EPC1: variants seen among roughly 807,000 people sequenced by gnomAD.
The protein encoded by EPC1 is enhancer of polycomb homolog 1.
A neutral mutation model predicts 98.4 loss-of-function variants in EPC1; 12 were observed. The observed-to-expected ratio is 0.12, with a 90% CI of 0.08 to 0.20. The LOEUF (loss-of-function observed/expected upper bound fraction) is 0.20, where lower values mean the gene tolerates loss of function less well. Ranked by LOEUF, EPC1 falls within the 10% of genes least tolerant of loss-of-function variation. The pLI, the probability that EPC1 is intolerant of heterozygous loss-of-function variation, is 1.00. For missense variants in EPC1, 729 were observed against 990.5 expected, an observed-to-expected ratio of 0.74 and a Z score of 3.54; for synonymous variants, 357 against 363.9, an observed-to-expected ratio of 0.98 and a Z score of 0.21.
chr10:32,331,504 A>T (rs1268809109), intron 1 of EPC1, among the ~76,000 whole-genome samples: 1 of 148,590 alleles, frequency 6.7e-6, no homozygotes, highest in African/African-American at 2.5e-5. Flanking sequence ...ATTTTATATC[A>T]TCTATCGTAC....
At chr10:32,329,481 C>T (rs1837508273) in intron 1 of EPC1, among the ~76,000 whole-genome samples, 1 of 152,174 alleles carries the variant, frequency 6.6e-6, no homozygotes, top group African/African-American at 2.4e-5. Context: ...AAGTAAGAGG[C>T]AAGCACACAG....
chr10:32,300,262 T>C (rs1484981594), intron 2 of EPC1, among the ~76,000 whole-genome samples: 1 of 151,590 alleles, frequency 6.6e-6, no homozygotes, highest in Non-Finnish European at 1.5e-5. Context: ...TTTTTTATTA[T>C]ACTTTAAGTT....
intron 1 of EPC1, among the ~76,000 whole-genome samples, chr10:32,364,966 G>C (rs2505345): frequency 0.54 from 80,815 of 150,534 alleles, 23,571 homozygotes; most frequent in East Asian, 0.69. Flanking sequence ...TGGCCCAAGA[G>C]GATTCTGCTT....
intron 1 of EPC1, among the ~76,000 whole-genome samples, chr10:32,310,483 T>C (rs1836143079): frequency 6.6e-6 from 1 of 152,244 alleles, no homozygotes; most frequent in South Asian, 2.1e-4. Context: ...TTATATCCTC[T>C]TGTATGAATA....
chr10:32,295,946 CAG>C lies in EPC1; in HGVS notation c.314-2211_314-2210del, dbSNP rs900621328. ...GTTCTTTTTTTTTTTTTTCCTGAGA[CAG>C]AGTCTCTCTCTGTCACCCAGGCTGG... On this transcript the variant is annotated intron_variant, in intron 2 of 13. Transcript: ENST00000319778. 9.1e-4 allele frequency among the ~76,000 whole-genome samples: 136 copies of C among 149,450 alleles called. 1 individual carries two copies. The highest frequency in any genetic ancestry group is 3.3e-3 in the African/African-American group (132 of 40,476).
intron 1 of EPC1, among the ~76,000 whole-genome samples, chr10:32,329,200 T>C (rs11008882): frequency 0.018 from 2,757 of 152,300 alleles, 83 homozygotes; most frequent in African/African-American, 0.062. Context: ...GGCCAGAGCA[T>C]CTTAACAGCT....
At chr10:32,363,300 C>T (rs555196130) in intron 1 of EPC1, among the ~76,000 whole-genome samples, 5 of 152,164 alleles carry the variant, frequency 3.3e-5, no homozygotes, top group Admixed American at 6.5e-5. Context: ...AGGCTGGTCT[C>T]GAACTCCCGT....
intron 1 of EPC1, among the ~76,000 whole-genome samples, chr10:32,329,321 C>A (rs1458972703): frequency 2.0e-5 from 3 of 152,184 alleles, no homozygotes; most frequent in Non-Finnish European, 4.4e-5. Context: ...CCACATAGTA[C>A]AGAACCCCCA....
chr10:32,339,842 C>T (rs1262797557), intron 1 of EPC1, among the ~76,000 whole-genome samples: 1 of 152,168 alleles, frequency 6.6e-6, no homozygotes, highest in Non-Finnish European at 1.5e-5. Context: ...GACTAAAGTT[C>T]TTTCAGTGAC....
chr10:32,346,322 C>T (rs546259580), intron 1 of EPC1, among the ~76,000 whole-genome samples: 1 of 152,292 alleles, frequency 6.6e-6, no homozygotes, highest in African/African-American at 2.4e-5. Flanking sequence ...GCGCAGGCCG[C>T]AGTGGCCCTG....
At chr10:32,300,551 A>G (rs1835452129) in intron 2 of EPC1, among the ~76,000 whole-genome samples, 1 of 151,178 alleles carries the variant, frequency 6.6e-6, no homozygotes. Context: ...CTCCTGCCTC[A>G]GCCTCCCGAG....
At chr10:32,336,187 G>T (rs920166618) in intron 1 of EPC1, among the ~76,000 whole-genome samples, 2 of 151,338 alleles carry the variant, frequency 1.3e-5, no homozygotes, top group East Asian at 3.9e-4. Flanking sequence ...TCCTGCATCA[G>T]CCTCTGGAGT....
chr10:32,284,341 A>G (rs1836558748), intron 10 of EPC1: 1 of 179,374 alleles, frequency 5.6e-6, no homozygotes, highest in Non-Finnish European at 1.2e-5. Context: ...AAACTAGGTA[A>G]AAACTAGAGA....
rs191955783 is a variant in EPC1 at position 32,345,800 on chromosome 10, G to A, written c.153+963C>T. ...CTGTGAATCAAGTCACTTAGTTTTA[G>A]TTCGGTTTTGAATAAGAAAGGATCC... On this transcript the variant is annotated intron_variant, in intron 1 of 13. Coordinates refer to ENST00000319778, the MANE Select transcript of EPC1 (RefSeq NM_001272004.3). Among the ~76,000 whole-genome samples, 637 of 152,326 alleles carry A rather than the reference G, an allele frequency of 4.2e-3. 5 individuals are homozygous for A. The highest frequency in any genetic ancestry group is 0.015 in the African/African-American group (606 of 41,578).
At chr10:32,311,205 A>G (rs1036586003) in intron 1 of EPC1, among the ~76,000 whole-genome samples, 6 of 151,710 alleles carry the variant, frequency 4.0e-5, no homozygotes, top group Non-Finnish European at 8.8e-5. Flanking sequence ...CCCAGCTACT[A>G]GGGAGGCTGA....
At chr10:32,351,308 T>C (rs1455498487), upstream of EPC1, among the ~76,000 whole-genome samples, 2 of 152,178 alleles carry the variant, frequency 1.3e-5, no homozygotes, top group African/African-American at 4.8e-5. Context: ...CGTTTGTCAT[T>C]ATTGCTTAAG....
intron 1 of EPC1, among the ~76,000 whole-genome samples, chr10:32,357,851 A>ATTTTTTTT (rs58968767): frequency 8.0e-6 from 1 of 124,602 alleles, no homozygotes; most frequent in Non-Finnish European, 1.7e-5. Flanking sequence ...TTCTCAATAA[A>ATTTTTTTT]TTTTTTTTTT....
chr10:32,281,744 C>G (rs1790887992), intron 10 of EPC1: 1 of 151,892 alleles, frequency 6.6e-6, no homozygotes, highest in Non-Finnish European at 1.5e-5. Flanking sequence ...TCTCGGCTCA[C>G]TGCAACCTCT....
intron 1 of EPC1, among the ~76,000 whole-genome samples, chr10:32,314,093 A>G (rs923565440): frequency 3.9e-5 from 6 of 152,214 alleles, no homozygotes; most frequent in Admixed American, 3.3e-4. Flanking sequence ...ACAGAGGCAT[A>G]AACTCTCAAA....
Sources: gnomAD v4.1 joint callset for allele counts (sites outside exome capture counted in the v4.1 genomes callset) on GRCh38, gnomAD v4.1.1 for gene constraint, MANE v1.5 for transcripts, NCBI Gene and HGNC (gene_info 2026-07-23, HGNC 2026-07-21) for gene names.